The following XYLB variants were observed in gnomAD, a reference collection of about 807,000 sequenced individuals.
XYLB encodes the protein xylulose kinase.
In XYLB, 62 loss-of-function variants were observed where a neutral mutation model predicts 78.7. The ratio of observed to expected loss-of-function variants is 0.79; its 90% CI spans 0.64 to 0.97. The LOEUF is 0.97. Among genes scored for constraint, XYLB ranks in the 50% least tolerant of loss-of-function variants. The probability of loss-of-function intolerance (pLI) is 0.00; values close to 1 mark genes in which losing one functional copy is unlikely to be tolerated. For synonymous variants in XYLB, 245 were observed against 247.4 expected (o/e 0.99, Z 0.09); for missense variants, 687 against 676.8 (o/e 1.02, Z -0.17).
intron 15 of XYLB, among the ~76,000 whole-genome samples, chr3:38,391,774 C>G (rs1489941138): frequency 6.6e-6 from 1 of 152,196 alleles, no homozygotes; most frequent in Non-Finnish European, 1.5e-5. Context: ...TGCTTTTCAG[C>G]CATGTGAGGA....
At chr3:38,418,465 G>T (rs1010335456), downstream of XYLB, among the ~76,000 whole-genome samples, 6 of 152,098 alleles carry the variant, frequency 3.9e-5, no homozygotes, top group African/African-American at 1.4e-4. Flanking sequence ...ATAGGAATCT[G>T]CACAAAGACA....
intron 15 of XYLB, among the ~76,000 whole-genome samples, chr3:38,389,417 A>C (rs1354572528): frequency 1.3e-4 from 19 of 151,944 alleles, no homozygotes; most frequent in African/African-American, 4.3e-4. Flanking sequence ...TATTCCACAA[A>C]ACCGCCATCG....
chr3:38,352,616 A>G (rs1484003836), intron 2 of XYLB, among the ~76,000 whole-genome samples: 2 of 152,194 alleles, frequency 1.3e-5, no homozygotes, highest in Admixed American at 6.5e-5. Flanking sequence ...AGACCAGCCT[A>G]GGCAATATGG....
rs1024276018 is a variant in XYLB at position 38,374,654 on chromosome 3, G to T, written c.888+152G>T. 5 of 921,926 alleles carry T rather than the reference G, an allele frequency of 5.4e-6. 1 individual carries two copies. The highest frequency in any genetic ancestry group is 5.3e-5 in the Admixed American group (2 of 37,674). The allele number at this position is 921,926 out of a possible 1,614,324, so 57.1% of individuals were successfully genotyped here. On this transcript the variant is annotated intron_variant, in intron 11 of 18. Transcript: ENST00000207870. ...TCTGCTACTTATCAGAGTGTCTGCCGGTTCCAAAAGACAGTGGAGGGAGGG... is the reference window on the plus strand; with the variant it reads ...TCTGCTACTTATCAGAGTGTCTGCCTGTTCCAAAAGACAGTGGAGGGAGGG...
At chr3:38,359,746 C>A (rs1409262641) in intron 2 of XYLB, among the ~76,000 whole-genome samples, 2 of 152,156 alleles carry the variant, frequency 1.3e-5, no homozygotes, top group Non-Finnish European at 2.9e-5. Flanking sequence ...TGGCTGGATA[C>A]TTAGGAATTG....
intron 18 of XYLB, 43 bp downstream of exon 18, chr3:38,401,028 A>AAGCC (rs1306842572): frequency 9.5e-6 from 15 of 1,580,102 alleles, no homozygotes; most frequent in Admixed American, 1.7e-5. Context: ...TGCATTATGA[A>AAGCC]AGCCCGCTAG....
chr3:38,401,648 C>T (rs1278329909), intron 18 of XYLB, among the ~76,000 whole-genome samples: 1 of 152,056 alleles, frequency 6.6e-6, no homozygotes, highest in Non-Finnish European at 1.5e-5. Flanking sequence ...GCCTTTATAC[C>T]CCATGTCAAT....
intron 18 of XYLB, among the ~76,000 whole-genome samples, chr3:38,411,222 C>A (rs955764231): frequency 6.6e-6 from 1 of 152,148 alleles, no homozygotes; most frequent in African/African-American, 2.4e-5. Flanking sequence ...GATTTCATGT[C>A]CTTTGTAGGG....
At chr3:38,417,195 G>A (rs1708825003), downstream of XYLB, among the ~76,000 whole-genome samples, 1 of 152,180 alleles carries the variant, frequency 6.6e-6, no homozygotes, top group Non-Finnish European at 1.5e-5. Flanking sequence ...CAGCACTTTG[G>A]GAGGCTGAGG....
At chr3:38,352,008 G>A (rs899835682) in intron 2 of XYLB, among the ~76,000 whole-genome samples, 5 of 152,108 alleles carry the variant, frequency 3.3e-5, no homozygotes, top group South Asian at 2.1e-4. Flanking sequence ...GTGGACATAT[G>A]ATTTCATTTT....
chr3:38,385,532 A>G (rs1252428377), intron 15 of XYLB, among the ~76,000 whole-genome samples: 1 of 152,052 alleles, frequency 6.6e-6, no homozygotes, highest in African/African-American at 2.4e-5. Flanking sequence ...ATCCTGTATT[A>G]ACTTCTAATT....
In XYLB at chr3:38,370,054, A is replaced by T. The variant is rs759965364; in HGVS notation, c.647-2A>T. ...CTGTTGTTTGTTTCCTTCCTTCCTC[A>T]GGTTCTGGAATGAATTTGTTGCAGA... On this transcript the variant is annotated splice_acceptor_variant, in intron 8 of 18. Coordinates refer to ENST00000207870, the MANE Select transcript of XYLB (RefSeq NM_005108.4). LOFTEE classifies it high-confidence loss of function. The T allele has an allele frequency of 1.2e-6, 2 of 1,613,236 alleles. No individual in the cohort carries two copies. The highest frequency in any genetic ancestry group is 3.3e-5 in the Admixed American group (2 of 60,000).
the XYLB span, among the ~76,000 whole-genome samples, chr3:38,426,987 A>G: frequency 1.3e-5 from 2 of 152,218 alleles, no homozygotes; most frequent in Admixed American, 6.5e-5. Flanking sequence ...TGTTTTTGCT[A>G]CAGATAATCA....
the XYLB span, among the ~76,000 whole-genome samples, chr3:38,434,009 A>G: frequency 2.0e-5 from 3 of 152,222 alleles, no homozygotes; most frequent in African/African-American, 7.2e-5. Flanking sequence ...CAGGAAACTT[A>G]CAATCATGAT....
chr3:38,365,295 G>A lies in XYLB; in HGVS notation c.378+10G>A. On this transcript the variant is annotated intron_variant, in intron 5 of 18. Coordinates refer to ENST00000207870, the MANE Select transcript of XYLB (RefSeq NM_005108.4). ...ACACCAGCAGCTGCAGGTAACTGTGGCTACGTTGTGTGAGTGTGAGAAACT... is the reference window on the plus strand; with the variant it reads ...ACACCAGCAGCTGCAGGTAACTGTGACTACGTTGTGTGAGTGTGAGAAACT... 1 of 1,613,998 alleles carries A rather than the reference G, an allele frequency of 6.2e-7. No individual in the cohort carries two copies.
chr3:38,442,452 A>G, the XYLB span, among the ~76,000 whole-genome samples: 1 of 152,154 alleles, frequency 6.6e-6, no homozygotes, highest in African/African-American at 2.4e-5. Context: ...GACCGTCCAC[A>G]TAAGTTGGGA....
At chr3:38,369,351 G>A (rs1706424287) in intron 8 of XYLB, among the ~76,000 whole-genome samples, 2 of 152,186 alleles carry the variant, frequency 1.3e-5, no homozygotes, top group South Asian at 4.1e-4. Context: ...CCACAGAGCT[G>A]ATAACCGCAG....
chr3:38,369,451 ACCT>A (rs1706431347), intron 8 of XYLB, among the ~76,000 whole-genome samples: 1 of 151,706 alleles, frequency 6.6e-6, no homozygotes, highest in South Asian at 2.1e-4. Context: ...CTGAGATGTC[ACCT>A]CCTCATTTCA....
chr3:38,376,804 AGAGCCAGGG>A (rs56935731), intron 13 of XYLB, 105 bp from the exon 14 acceptor site: 51,578 of 795,544 alleles, frequency 0.065, 1,657 homozygotes, highest in East Asian at 0.1. Flanking sequence ...GGGGGATGAA[AGAGCCAGGG>A]GACCCAGGGA....
Sources: gnomAD v4.1 joint callset for allele counts (sites outside exome capture counted in the v4.1 genomes callset) on GRCh38, gnomAD v4.1.1 for gene constraint, MANE v1.5 for transcripts, NCBI Gene and HGNC (gene_info 2026-07-23, HGNC 2026-07-21) for gene names.